The following STRA8 variants were observed in gnomAD, a reference collection of about 807,000 sequenced individuals.
STRA8 encodes stimulated by retinoic acid gene 8 protein homolog.
Under a neutral mutation model 37.1 loss-of-function variants are expected in STRA8, and 18 were observed. The ratio of observed to expected loss-of-function variants is 0.48; its 90% CI spans 0.34 to 0.72. STRA8 has a LOEUF of 0.72. Among genes scored for constraint, STRA8 ranks in the 30% least tolerant of loss-of-function variants. The pLI is 0.01. For missense variants in STRA8, 357 were observed against 410.4 expected (o/e 0.87, Z 1.13); for synonymous variants, 168 against 162.9 (o/e 1.03, Z -0.24).
At chr7:135,249,886 G>A (rs1010771483) in intron 6 of STRA8, among the ~76,000 whole-genome samples, 1 of 152,244 alleles carries the variant, frequency 6.6e-6, no homozygotes, top group South Asian at 2.1e-4. Flanking sequence ...TGTTTGTTGG[G>A]TATTAAGGGA....
intron 7 of STRA8, 132 bp downstream of exon 7, chr7:135,252,001 GGAGA>G (rs373521545): frequency 2.1e-5 from 14 of 676,698 alleles, no homozygotes; most frequent in African/African-American, 1.3e-4. Flanking sequence ...GGAGACAGAG[GGAGA>G]GAGAGAGAGT....
intron 1 of STRA8, among the ~76,000 whole-genome samples, chr7:135,236,254 T>TTATATA (rs1554406105): frequency 9.5e-6 from 1 of 104,768 alleles, no homozygotes; most frequent in Non-Finnish European, 2.2e-5. Context: ...GACCCCATCT[T>TTATATA]TATATATATA....
chr7:135,255,360 C>G, intron 8 of STRA8, 135 bp downstream of exon 8: 5 of 640,676 alleles, frequency 7.8e-6, no homozygotes, highest in Non-Finnish European at 1.4e-5. Context: ...ACTCTCCATT[C>G]TCTCTGGCTT....
intron 8 of STRA8, among the ~76,000 whole-genome samples, chr7:135,257,778 C>T (rs1274655447): frequency 6.6e-6 from 1 of 152,182 alleles, no homozygotes; most frequent in East Asian, 1.9e-4. Context: ...AACCCATATA[C>T]ATGGCATAAA....
rs1832551855 is a variant in STRA8, at chr7:135,246,296, GC to G, written c.594-118del. ...GGCGTGCAGAGTCTGAGAAGTCTCA[GC>G]CCTGGTGAGCCGTGGCGCCGTGGCC... On this transcript the variant is annotated intron_variant, in intron 5 of 8. Transcript: ENST00000662584. This position sits in a 1 kb window ranked among gnomAD's most constrained non-coding sequence, Gnocchi z 5.4. 2 of 1,327,350 alleles carry G rather than the reference GC, an allele frequency of 1.5e-6. No homozygotes were observed. Among genetic ancestry groups the G allele is most frequent in the Admixed American group, 4.3e-5 (2 of 46,810 alleles). The allele number at this position is 1,327,350 out of a possible 1,614,324, so 82.2% of individuals were successfully genotyped here.
At chr7:135,242,211 G>C (rs1218295371) in intron 2 of STRA8, among the ~76,000 whole-genome samples, 1 of 110,198 alleles carries the variant, frequency 9.1e-6, no homozygotes, top group African/African-American at 3.5e-5. Flanking sequence ...AGGGAGGGAG[G>C]GGAGCAGAAG....
At chr7:135,247,373 G>A (rs1832576266) in intron 6 of STRA8, among the ~76,000 whole-genome samples, 1 of 152,136 alleles carries the variant, frequency 6.6e-6, no homozygotes, top group African/African-American at 2.4e-5. Context: ...GTGGATTCAG[G>A]CCTCTCTTGG....
intron 6 of STRA8, 150 bp from the exon 7 acceptor site, chr7:135,251,646 C>T: frequency 1.4e-6 from 1 of 717,500 alleles, no homozygotes; most frequent in Non-Finnish European, 2.5e-6. Context: ...GCAAGCAGAG[C>T]CCCTGGGTGT....
chr7:135,244,033 A>G (rs1040249497), intron 4 of STRA8, among the ~76,000 whole-genome samples: 2 of 152,102 alleles, frequency 1.3e-5, no homozygotes, highest in African/African-American at 4.8e-5. Context: ...TTATGATCTC[A>G]TGGTTTTTTG....
intron 1 of STRA8, among the ~76,000 whole-genome samples, chr7:135,238,124 C>T (rs1832405930): frequency 6.6e-6 from 1 of 152,182 alleles, no homozygotes; most frequent in South Asian, 2.1e-4. Flanking sequence ...ATCTCCAGCG[C>T]TTGATTCTGC....
At chr7:135,245,788 T>C (rs917518165) in intron 5 of STRA8, among the ~76,000 whole-genome samples, 10 of 152,188 alleles carry the variant, frequency 6.6e-5, no homozygotes, top group African/African-American at 2.4e-4. Context: ...TTACTGAGAC[T>C]GGGTGTTTAT....
chr7:135,238,967 G>A (rs889309507), intron 1 of STRA8, among the ~76,000 whole-genome samples: 2 of 152,172 alleles, frequency 1.3e-5, no homozygotes, highest in Admixed American at 6.5e-5. Context: ...GGACCAGCAT[G>A]GGCAACCACA....
At chr7:135,258,250 C>G (rs550863090) in intron 8 of STRA8, among the ~76,000 whole-genome samples, 168 bp from the exon 9 acceptor site, 63 of 152,262 alleles carry the variant, frequency 4.1e-4, no homozygotes, top group African/African-American at 1.2e-3. Flanking sequence ...GACCTTCCCC[C>G]CTTAGAGCCC....
rs187367349 is a variant in STRA8 at position 135,251,997 on chromosome 7, A to G, written c.953+128A>G. The G allele has an allele frequency of 7.8e-3, 5,925 of 759,684 alleles. 226 individuals are homozygous for G. In the African/African-American group the frequency reaches 0.11, roughly 15 times the overall value. The allele number at this position is 759,684 out of a possible 1,614,324, so 47.1% of individuals were successfully genotyped here. On this transcript the variant is annotated intron_variant, in intron 7 of 8. Transcript: ENST00000662584. Reference sequence around the variant, plus strand: ...TAAGTCAGAGACAGAGAGAGGAGACAGAGGGAGAGAGAGAGAGTGTGTGTG... The same window carrying G: ...TAAGTCAGAGACAGAGAGAGGAGACGGAGGGAGAGAGAGAGAGTGTGTGTG...
At position 135,239,040 on chromosome 7, in the gene STRA8, T is replaced by C. The variant is rs143058060; in HGVS notation, c.-6-1479T>C. ...GCAAAACAAGGGAAAGTTGATACACTGGGGAAGACCAGATTATTGATGAGA... is the reference window on the plus strand; with the variant it reads ...GCAAAACAAGGGAAAGTTGATACACCGGGGAAGACCAGATTATTGATGAGA... On this transcript the variant is annotated intron_variant, in intron 1 of 8. Coordinates refer to ENST00000662584, the MANE Select transcript of STRA8 (RefSeq NM_001394401.1). Among the ~76,000 whole-genome samples the C allele has an allele frequency of 2.0e-5, 3 of 152,356 alleles. No individual in the cohort carries two copies. In the East Asian group the frequency reaches 5.8e-4, roughly 29 times the overall value.
At chr7:135,232,187 G>A, upstream of STRA8, 1 of 759,542 alleles carries the variant, frequency 1.3e-6, no homozygotes, top group Middle Eastern at 2.3e-4. Context: ...AAACCACTCT[G>A]TGTCATCTTG....
At chr7:135,244,423 G>A (rs1165530492) in intron 4 of STRA8, among the ~76,000 whole-genome samples, 1 of 152,106 alleles carries the variant, frequency 6.6e-6, no homozygotes, top group Non-Finnish European at 1.5e-5. Context: ...AGAGATCCTG[G>A]GTGCAGGTCC....
At chr7:135,253,211 G>T (rs1439887384) in intron 7 of STRA8, among the ~76,000 whole-genome samples, 2 of 152,218 alleles carry the variant, frequency 1.3e-5, no homozygotes, top group African/African-American at 4.8e-5. Context: ...TAGGATTACA[G>T]GCGTGAGCCA....
chr7:135,233,820 A>G (rs950404638), upstream of STRA8, among the ~76,000 whole-genome samples: 1 of 152,102 alleles, frequency 6.6e-6, no homozygotes, highest in African/African-American at 2.4e-5. Flanking sequence ...TCTGACCCAG[A>G]CAGGAACCGC....
Sources: gnomAD v4.1 joint callset for allele counts (sites outside exome capture counted in the v4.1 genomes callset) on GRCh38, gnomAD v4.1.1 for gene constraint, Gnocchi (gnomAD v3.1) non-coding constraint, MANE v1.5 for transcripts, NCBI Gene and HGNC (gene_info 2026-07-23, HGNC 2026-07-21) for gene names.